HS3ST3B1: variants seen among roughly 807,000 people sequenced by gnomAD.
HS3ST3B1 encodes the protein heparan sulfate glucosamine 3-O-sulfotransferase 3B1.
Under a neutral mutation model 21.3 loss-of-function variants are expected in HS3ST3B1, and 13 were observed. The ratio of observed to expected loss-of-function variants is 0.61; its 90% CI spans 0.40 to 0.97. HS3ST3B1 has a LOEUF of 0.97. Ranked by LOEUF, HS3ST3B1 falls within the 50% of genes least tolerant of loss-of-function variation. HS3ST3B1 has a pLI of 0.00. For synonymous variants in HS3ST3B1, 234 were observed against 254.8 expected (o/e 0.92, Z 0.78); for missense variants, 459 against 554.8 (o/e 0.83, Z 1.73).
At position 14,347,038 on chromosome 17, in the gene HS3ST3B1, T is replaced by G. The variant is rs2200000; in HGVS notation, c.*1392T>G. On this transcript the variant is annotated 3_prime_UTR_variant, in exon 2 of 2. Transcript: ENST00000360954. ...GAAGGAGTCTGACACCTCAGCTTGA[T>G]GCGTCTTTGGAATTCCTAGCTCATC... 0.45 allele frequency: 67,776 copies of G among 152,064 alleles called. 17,784 individuals are homozygous for G. Among genetic ancestry groups the G allele is most frequent in the East Asian group, 0.58 (2,992 of 5,160 alleles). 9.4% of individuals were successfully genotyped at this position (152,064 alleles called of 1,614,324 possible). A position where few individuals can be genotyped will look rare whatever the true frequency, so the allele number is the denominator to read the frequency against.
chr17:14,335,617 C>T (rs911748760), intron 1 of HS3ST3B1, among the ~76,000 whole-genome samples: 8 of 151,762 alleles, frequency 5.3e-5, no homozygotes, highest in Non-Finnish European at 1.2e-4. Flanking sequence ...TTGCTTGAAC[C>T]GAGGAGGCGG....
At position 14,301,769 on chromosome 17, in the gene HS3ST3B1, C is replaced by T. The variant is rs560300555; in HGVS notation, c.251C>T (p.Thr84Met). The change falls in exon 1 of 2, where the codon ACG (threonine) becomes ATG (methionine). Residue 84 changes from threonine to methionine, a missense_variant. Coordinates refer to ENST00000360954, the MANE Select transcript of HS3ST3B1 (RefSeq NM_006041.3). ...PPALATAPDG[T>M]PPRLPFRAPP... ...GCCCTGGCCACAGCTCCGGACGGGA[C>T]GCCCCCCAGGCTGCCGTTCCGGGCG... The T allele has an allele frequency of 3.8e-6, 6 of 1,572,296 alleles. No individual in the cohort carries two copies. Among genetic ancestry groups the T allele is most frequent in the Non-Finnish European group, 1.7e-6 (2 of 1,159,842 alleles).
chr17:14,341,378 C>A (rs1210621253), intron 1 of HS3ST3B1, among the ~76,000 whole-genome samples: 1 of 152,144 alleles, frequency 6.6e-6, no homozygotes, highest in Non-Finnish European at 1.5e-5. Context: ...TGACAAGTCC[C>A]CTGTGCACAA....
At chr17:14,313,353 C>T (rs1373976021) in intron 1 of HS3ST3B1, among the ~76,000 whole-genome samples, 1 of 151,866 alleles carries the variant, frequency 6.6e-6, no homozygotes, top group East Asian at 1.9e-4. Context: ...TCTGCAGCTG[C>T]TAGCCCTGCT....
chr17:14,313,077 T>TTGTG (rs71147856), intron 1 of HS3ST3B1, among the ~76,000 whole-genome samples: 45,423 of 141,734 alleles, frequency 0.32, 7,880 homozygotes, highest in Admixed American at 0.47. Context: ...CAGCTAATTA[T>TTGTG]TGTGTGTGTG....
intron 1 of HS3ST3B1, among the ~76,000 whole-genome samples, chr17:14,317,068 A>G (rs1358665170): frequency 7.2e-5 from 11 of 152,236 alleles, no homozygotes; most frequent in African/African-American, 2.7e-4. Context: ...GACATTTCAC[A>G]TGGTTTGTGG....
chr17:14,326,481 A>G (rs141009104), intron 1 of HS3ST3B1, among the ~76,000 whole-genome samples: 199 of 152,332 alleles, frequency 1.3e-3, no homozygotes, highest in African/African-American at 4.4e-3. Flanking sequence ...CTTATTTGCC[A>G]TCATGTCTTA....
At chr17:14,326,921 C>CA (rs60800866) in intron 1 of HS3ST3B1, among the ~76,000 whole-genome samples, 1,073 of 59,866 alleles carry the variant, frequency 0.018, 13 homozygotes, top group Admixed American at 0.025. Context: ...AACTCTGTCT[C>CA]AAAAAAAAAA....
intron 1 of HS3ST3B1, among the ~76,000 whole-genome samples, chr17:14,322,898 CTTTTTT>C (rs34065582): frequency 1.1e-5 from 1 of 94,586 alleles, no homozygotes; most frequent in Non-Finnish European, 2.2e-5. Context: ...GTGTCTATGT[CTTTTTT>C]TTTTTTTTTT....
chr17:14,320,959 C>T (rs541553291), intron 1 of HS3ST3B1, among the ~76,000 whole-genome samples: 12 of 152,318 alleles, frequency 7.9e-5, no homozygotes, highest in African/African-American at 2.9e-4. Context: ...CTGAGCTCAG[C>T]CCTCTGCACC....
chr17:14,337,006 A>G (rs1910204693), intron 1 of HS3ST3B1, among the ~76,000 whole-genome samples: 2 of 152,186 alleles, frequency 1.3e-5, no homozygotes, highest in Non-Finnish European at 2.9e-5. Flanking sequence ...GGCTGAGTGC[A>G]TTCATATGCT....
chr17:14,329,497 A>T (rs1289744850), intron 1 of HS3ST3B1: 1 of 150,418 alleles, frequency 6.6e-6, no homozygotes, highest in Non-Finnish European at 1.5e-5. Context: ...GAAAAGAAAG[A>T]AGGAAAGAGA....
At chr17:14,320,803 A>G (rs948657495) in intron 1 of HS3ST3B1, among the ~76,000 whole-genome samples, 3 of 152,192 alleles carry the variant, frequency 2.0e-5, no homozygotes, top group Non-Finnish European at 2.9e-5. Flanking sequence ...CCGCAGACCT[A>G]CAATAGGAAC....
chr17:14,324,726 G>A (rs1424354017), intron 1 of HS3ST3B1, among the ~76,000 whole-genome samples: 1 of 151,868 alleles, frequency 6.6e-6, no homozygotes, highest in Non-Finnish European at 1.5e-5. Context: ...TGATCCTCCC[G>A]CTTCAGCCTC....
Position 14,349,386 on chromosome 17 carries a change from A to C in HS3ST3B1, c.*3740A>C, listed in dbSNP as rs1910662142. ...TCATACTATTTCTTTGTATGAACAA[A>C]TAAAATATATTTTGCCAACATGTGG... On this transcript the variant is annotated 3_prime_UTR_variant, in exon 2 of 2. Transcript: ENST00000360954. 6.6e-6 allele frequency: 1 copy of C among 152,242 alleles called. No individual in the cohort carries two copies. Among genetic ancestry groups the C allele is most frequent in the Non-Finnish European group, 1.5e-5 (1 of 68,044 alleles). 9.4% of individuals were successfully genotyped at this position (152,242 alleles called of 1,614,324 possible).
intron 1 of HS3ST3B1, among the ~76,000 whole-genome samples, chr17:14,336,026 G>C (rs1910177079): frequency 6.6e-6 from 1 of 152,254 alleles, no homozygotes; most frequent in African/African-American, 2.4e-5. Context: ...CAGAAAACGT[G>C]GGGTATTTCT....
intron 1 of HS3ST3B1, among the ~76,000 whole-genome samples, chr17:14,320,064 G>A (rs1225698957): frequency 6.6e-6 from 1 of 152,160 alleles, no homozygotes; most frequent in African/African-American, 2.4e-5. Context: ...AGACGCCAGC[G>A]TGTGTGGGGC....
chr17:14,336,917 G>T (rs979673799), intron 1 of HS3ST3B1, among the ~76,000 whole-genome samples: 1 of 152,008 alleles, frequency 6.6e-6, no homozygotes, highest in Admixed American at 6.6e-5. Context: ...AAGATTTTGG[G>T]GACACATCTG....
intron 1 of HS3ST3B1, among the ~76,000 whole-genome samples, chr17:14,337,452 T>G (rs2142349844): frequency 6.6e-6 from 1 of 151,600 alleles, no homozygotes; most frequent in South Asian, 2.1e-4. Flanking sequence ...CTCAGCCTCC[T>G]GAATAGCTGG....
Sources: allele counts gnomAD v4.1 joint callset (sites outside exome capture counted in the v4.1 genomes callset), GRCh38; gene constraint gnomAD v4.1.1; transcripts MANE v1.5; gene names NCBI Gene and HGNC (gene_info 2026-07-23, HGNC 2026-07-21).